The following MRPL3 variants were observed in gnomAD, a reference collection of about 807,000 sequenced individuals.
MRPL3 encodes the protein mitochondrial ribosomal protein L3.
In MRPL3, 43 loss-of-function variants were observed where a neutral mutation model predicts 44.3. That is an observed-to-expected ratio of 0.97 (90% confidence interval 0.76 to 1.25). The LOEUF (loss-of-function observed/expected upper bound fraction) is 1.25. MRPL3 is among the 50% of genes most tolerant of loss of function. MRPL3 has a pLI of 0.00. For synonymous variants in MRPL3, 171 were observed against 152.3 expected (o/e 1.12, Z -0.91); for missense variants, 406 against 427.6 (o/e 0.95, Z 0.45).
At chr3:131,477,651 T>C (rs1319841711) in intron 6 of MRPL3, among the ~76,000 whole-genome samples, 2 of 152,186 alleles carry the variant, frequency 1.3e-5, no homozygotes, top group Admixed American at 6.5e-5. Context: ...ACAACTCCAA[T>C]AGATTATTGT....
intron 8 of MRPL3, among the ~76,000 whole-genome samples, chr3:131,468,566 C>T (rs1224930097): frequency 6.6e-6 from 1 of 151,998 alleles, no homozygotes; most frequent in Non-Finnish European, 1.5e-5. Flanking sequence ...AGTAAGTGGG[C>T]TGAGTAGATG....
intron 9 of MRPL3, among the ~76,000 whole-genome samples, chr3:131,465,067 G>C (rs934589281): frequency 1.3e-5 from 2 of 152,174 alleles, no homozygotes; most frequent in Non-Finnish European, 2.9e-5. Context: ...GGTTACAAAA[G>C]AAAGTTATTT....
chr3:131,486,737 C>G (rs1478758288), intron 6 of MRPL3, among the ~76,000 whole-genome samples: 1 of 152,082 alleles, frequency 6.6e-6, no homozygotes, highest in East Asian at 1.9e-4. Flanking sequence ...CAAAGAAATG[C>G]AAATCAAAAC....
At chr3:131,489,922 T>C in intron 5 of MRPL3, 59 bp downstream of exon 5, 1 of 1,020,054 alleles carries the variant, frequency 9.8e-7, no homozygotes, top group Non-Finnish European at 1.5e-6. Context: ...AGGGCTGACA[T>C]TAAACAAATT....
intron 6 of MRPL3, among the ~76,000 whole-genome samples, chr3:131,485,312 C>G (rs1000882296): frequency 6.6e-6 from 1 of 152,136 alleles, no homozygotes; most frequent in Non-Finnish European, 1.5e-5. Flanking sequence ...AAGTTAGTCA[C>G]AAGTCCAGCC....
intron 5 of MRPL3, among the ~76,000 whole-genome samples, chr3:131,488,237 T>G (rs114857160): frequency 0.012 from 1,834 of 152,258 alleles, 45 homozygotes; most frequent in African/African-American, 0.041. Context: ...AGATTTTGGG[T>G]GAACTCTTCA....
rs112443137 is a variant in MRPL3 at position 131,498,432 on chromosome 3, TA to T, written c.370-156del. On this transcript the variant is annotated intron_variant, in intron 3 of 9. Transcript: ENST00000264995. ...CAACCACAATCTTAAAAATATAAAT[TA>T]AAAAAAAAAAGATTAAATACACACT... 2.1e-3 allele frequency among the ~76,000 whole-genome samples: 306 copies of T among 145,458 alleles called. 2 individuals are homozygous for T. Among genetic ancestry groups the T allele is most frequent in the African/African-American group, 6.4e-3 (254 of 39,788 alleles).
At chr3:131,472,622 C>T (rs962805008) in intron 6 of MRPL3, among the ~76,000 whole-genome samples, 1 of 151,918 alleles carries the variant, frequency 6.6e-6, no homozygotes, top group African/African-American at 2.4e-5. Flanking sequence ...AAAAGGTATC[C>T]AAATTGTAAA....
chr3:131,480,961 C>A (rs1933971717), intron 6 of MRPL3, among the ~76,000 whole-genome samples: 1 of 152,144 alleles, frequency 6.6e-6, no homozygotes, highest in South Asian at 2.1e-4. Context: ...TCGAAATCCC[C>A]ACAAGTTAAG....
At chr3:131,482,741 G>A (rs1397051125) in intron 6 of MRPL3, among the ~76,000 whole-genome samples, 4 of 151,942 alleles carry the variant, frequency 2.6e-5, no homozygotes, top group South Asian at 2.1e-4. Flanking sequence ...GAAGTCTTCT[G>A]ACTTCAAATT....
Position 131,469,858 on chromosome 3 carries a change from T to C in MRPL3, c.739-85A>G, listed in dbSNP as rs1933704223. On this transcript the variant is annotated intron_variant, in intron 7 of 9. Transcript: ENST00000264995. ...CAAACCACAATGTAAACTAAAAATA[T>C]AAATTATTAAAATGTTTTATTTTTC... 3.7e-6 allele frequency: 3 copies of C among 805,614 alleles called. No individual in the cohort carries two copies. The East Asian group carries it at 8.4e-5, about 22-fold the overall frequency. The allele number at this position is 805,614 out of a possible 1,614,324, so 49.9% of individuals were successfully genotyped here.
chr3:131,487,831 G>C (rs1934164125), intron 5 of MRPL3, 91 bp from the exon 6 acceptor site: 1 of 975,684 alleles, frequency 1.0e-6, no homozygotes, highest in Non-Finnish European at 1.6e-6. Context: ...AAGGCTTCTA[G>C]CTGATTTCAA....
At chr3:131,494,166 C>T (rs1445673205) in intron 4 of MRPL3, among the ~76,000 whole-genome samples, 1 of 152,196 alleles carries the variant, frequency 6.6e-6, no homozygotes, top group African/African-American at 2.4e-5. Context: ...CTTTGATGTC[C>T]ACTGAAGACT....
In MRPL3 at chr3:131,471,257, C is replaced by T. The variant is rs1028605117; in HGVS notation, c.652G>A (p.Val218Ile). 1 of 1,612,874 alleles carries T rather than the reference C, an allele frequency of 6.2e-7. No individual in the cohort carries two copies. ...AKTIGKGFQG[V>I]MKRWGFKGQP... is the part of the protein sequence containing the mutation. ...CCTTTAAATCCCCATCTTTTCATGA[C>T]ACCTTGAAAACCTTTACCAATACTG... is the stretch of plus-strand genomic sequence containing the variant. Residue 218 changes from valine (V) to isoleucine (I), a missense_variant, in exon 7 of 10, where the codon GTC (valine) becomes ATC (isoleucine). By Grantham distance (29) the Val-to-Ile change is conservative. Transcript: ENST00000264995.
chr3:131,469,609 G>A (rs191757059), intron 8 of MRPL3, 87 bp downstream of exon 8: 6 of 907,856 alleles, frequency 6.6e-6, no homozygotes, highest in Non-Finnish European at 1.0e-5. Context: ...TAGAACAATG[G>A]TACAGACACA....
intron 5 of MRPL3, chr3:131,488,593 T>A (rs1934181464): frequency 6.6e-6 from 1 of 152,120 alleles, no homozygotes; most frequent in East Asian, 1.9e-4. Context: ...AGCAAGAAAT[T>A]TATTATCTTG....
chr3:131,463,179 C>T (rs1933529018), intron 9 of MRPL3, among the ~76,000 whole-genome samples: 2 of 152,156 alleles, frequency 1.3e-5, no homozygotes, highest in African/African-American at 4.8e-5. Context: ...AAAATTACTA[C>T]TTGAATTTCA....
rs150653114 is a variant in MRPL3 at position 131,491,813 on chromosome 3, C to T, written c.469-1733G>A. The stretch of plus-strand genomic sequence containing the variant: ...TCTCCAAGCTTCCACCCTTCCGACT[C>T]TCTAGTCTGTTCTCAATTCACAGGC... On this transcript the variant is annotated intron_variant, in intron 4 of 9. Transcript: ENST00000264995. Among the ~76,000 whole-genome samples the T allele has an allele frequency of 3.8e-4, 58 of 152,238 alleles. No homozygotes were observed. In the East Asian group the frequency reaches 9.1e-3, roughly 24 times the overall value.
chr3:131,500,648 TCA>T, intron 2 of MRPL3, 127 bp from the exon 3 acceptor site: 1 of 708,708 alleles, frequency 1.4e-6, no homozygotes, highest in Non-Finnish European at 2.4e-6. Context: ...GCTAATATAT[TCA>T]CAGAGTAAAG....
Sources: allele counts gnomAD v4.1 joint callset (sites outside exome capture counted in the v4.1 genomes callset), GRCh38; gene constraint gnomAD v4.1.1; transcripts MANE v1.5; gene names NCBI Gene and HGNC (gene_info 2026-07-23, HGNC 2026-07-21).